RLF: variants seen among roughly 807,000 people sequenced by gnomAD.
RLF encodes zinc finger protein Rlf.
A neutral mutation model predicts 162.9 loss-of-function variants in RLF; 7 were observed. The observed-to-expected ratio is 0.04, with a 90% CI of 0.02 to 0.08. The LOEUF (loss-of-function observed/expected upper bound fraction) is 0.08, where lower values mean the gene tolerates loss of function less well. Among genes scored for constraint, RLF ranks in the 10% least tolerant of loss-of-function variants. The pLI, the probability that RLF is intolerant of heterozygous loss-of-function variation, is 1.00. For synonymous variants in RLF, 782 were observed against 791.5 expected (o/e 0.99, Z 0.20); for missense variants, 1,664 against 2,244.7 (o/e 0.74, Z 5.23).
chr1:40,228,154 G>A (rs925218466), intron 6 of RLF, among the ~76,000 whole-genome samples: 13 of 150,604 alleles, frequency 8.6e-5, no homozygotes, highest in South Asian at 2.1e-4. Flanking sequence ...GCATAGTTGC[G>A]TGCGCCTGTA....
chr1:40,237,508 T>C lies in RLF; in HGVS notation c.2806T>C (p.Ser936Pro). 1.9e-6 allele frequency: 3 copies of C among 1,614,024 alleles called. No homozygotes were observed. The highest frequency in any genetic ancestry group is 2.5e-6 in the Non-Finnish European group (3 of 1,179,960). The change falls in exon 8 of 8, where the codon TCC becomes CCC. Residue 936 changes from serine (S) to proline (P), a missense_variant. Transcript: ENST00000372771. This position sits in a 1 kb window ranked among gnomAD's most constrained non-coding sequence, Gnocchi z 4.4. ...ATCTAATGAGAAAGTCTTTGGGCCC[T>C]CCAGTTTAAAAGAAAAATGTTCCAG... ...LLSNEKVFGP[S>P]SLKEKCSSMA...
Position 40,167,456 on chromosome 1 carries a change from G to T in RLF, c.237+5820G>T, listed in dbSNP as rs891582475. 2.0e-5 allele frequency among the ~76,000 whole-genome samples: 3 copies of T among 152,164 alleles called. No homozygotes were observed. The East Asian group carries it at 5.8e-4, about 29-fold the overall frequency. ...GACCCGTGAAGCAGTGAAAACTTTG[G>T]GTGCTGTCATTTACTGTGGTACCAT... On this transcript the variant is annotated intron_variant, in intron 1 of 7. Coordinates refer to ENST00000372771, the MANE Select transcript of RLF (RefSeq NM_012421.4).
At position 40,187,573 on chromosome 1, in the gene RLF, G is replaced by A. The variant is rs573925182; in HGVS notation, c.238-1482G>A. 5.3e-5 allele frequency among the ~76,000 whole-genome samples: 8 copies of A among 152,128 alleles called. No homozygotes were observed. The East Asian group carries it at 9.6e-4, about 18-fold the overall frequency. On this transcript the variant is annotated intron_variant, in intron 1 of 7. Transcript: ENST00000372771. ...AGCAAGATACTTAATTGAGTAGGTC[G>A]GTATACTAAAAATAGCTCAACTGAC... is the stretch of plus-strand genomic sequence containing the variant.
chr1:40,218,862 A>G (rs1341726902), intron 5 of RLF, among the ~76,000 whole-genome samples: 2 of 152,208 alleles, frequency 1.3e-5, no homozygotes, highest in Non-Finnish European at 2.9e-5. Context: ...GGGAACTTAC[A>G]TTTTAGTGGT....
At chr1:40,180,057 A>G (rs908605760) in intron 1 of RLF, among the ~76,000 whole-genome samples, 1 of 152,130 alleles carries the variant, frequency 6.6e-6, no homozygotes, top group Non-Finnish European at 1.5e-5. Context: ...CGCGTGTACA[A>G]ATACCTCTTC....
chr1:40,208,881 G>A (rs944182910), intron 5 of RLF, among the ~76,000 whole-genome samples: 5 of 152,076 alleles, frequency 3.3e-5, no homozygotes, highest in African/African-American at 1.2e-4. Context: ...TATTACTGGC[G>A]CATAGTAGTA....
intron 1 of RLF, among the ~76,000 whole-genome samples, chr1:40,167,005 T>TA (rs1642176854): frequency 2.6e-5 from 4 of 152,012 alleles, no homozygotes; most frequent in East Asian, 1.9e-4. Flanking sequence ...AAGTATAATT[T>TA]TAAAAAAAAA....
chr1:40,237,789 C>T lies in RLF; in HGVS notation c.3087C>T (p.His1029=), dbSNP rs770088830. The T allele has an allele frequency of 1.9e-6, 3 of 1,614,082 alleles. No individual in the cohort carries two copies. In the South Asian group the frequency reaches 3.3e-5, roughly 18 times the overall value. Residue 1029 remains histidine (H), a synonymous_variant, in exon 8 of 8, where the codon CAC becomes CAT. Coordinates refer to ENST00000372771, the MANE Select transcript of RLF (RefSeq NM_012421.4). The surrounding 1 kb of genome is among the most constrained non-coding windows in gnomAD (Gnocchi z 4.4). ...ACTCCCCAGATGAAGGTCTAGATCA[C>T]AATATTCACATTAAATGTAAACGAG... is the stretch of plus-strand genomic sequence containing the variant. The part of the protein sequence containing the change: ...NSDSPDEGLD[H]NIHIKCKREH...
chr1:40,175,743 C>T (rs1391053661), intron 1 of RLF, among the ~76,000 whole-genome samples: 4 of 150,918 alleles, frequency 2.7e-5, no homozygotes, highest in Non-Finnish European at 5.9e-5. Context: ...CAGAATTGTG[C>T]CACTGCACTC....
At chr1:40,168,272 A>G (rs1642193473) in intron 1 of RLF, among the ~76,000 whole-genome samples, 1 of 152,146 alleles carries the variant, frequency 6.6e-6, no homozygotes, top group Non-Finnish European at 1.5e-5. Flanking sequence ...TTTTTGAGAC[A>G]GAGTCTTTCT....
intron 7 of RLF, among the ~76,000 whole-genome samples, chr1:40,233,133 A>G (rs576256096): frequency 6.6e-6 from 1 of 151,466 alleles, no homozygotes; most frequent in Middle Eastern, 3.2e-3. Context: ...TGACTTGGCT[A>G]TATCCTATGT....
At chr1:40,222,414 A>G (rs963780060) in intron 5 of RLF, among the ~76,000 whole-genome samples, 160 bp from the exon 6 acceptor site, 1 of 152,134 alleles carries the variant, frequency 6.6e-6, no homozygotes, top group African/African-American at 2.4e-5. Flanking sequence ...CCCTTCTTTA[A>G]TATTTTCTTA....
chr1:40,209,473 G>T lies in RLF; in HGVS notation c.810+6859G>T, dbSNP rs367820650. ...TCTTTAAGCCTGGGGTGCAGAACTA[G>T]GGAGGATCCGTCGAAGTCAAGATTG... On this transcript the variant is annotated intron_variant, in intron 5 of 7. Coordinates refer to ENST00000372771, the MANE Select transcript of RLF (RefSeq NM_012421.4). Among the ~76,000 whole-genome samples the T allele has an allele frequency of 8.5e-5, 13 of 152,320 alleles. 1 individual carries two copies. The highest frequency in any genetic ancestry group is 3.9e-4 in the East Asian group (2 of 5,186).
chr1:40,202,335 TC>T, intron 4 of RLF, 76 bp from the exon 5 acceptor site: 1 of 895,000 alleles, frequency 1.1e-6, no homozygotes, highest in Non-Finnish European at 1.7e-6. Context: ...AATAAAAAGA[TC>T]TCAAACTTTC....
At chr1:40,166,598 C>G (rs1304179311) in intron 1 of RLF, among the ~76,000 whole-genome samples, 1 of 151,936 alleles carries the variant, frequency 6.6e-6, no homozygotes, top group African/African-American at 2.4e-5. Flanking sequence ...AGACTTGGAA[C>G]CAACCCAGAT....
intron 1 of RLF, among the ~76,000 whole-genome samples, chr1:40,185,311 A>G (rs1305760593): frequency 1.3e-5 from 2 of 150,990 alleles, no homozygotes; most frequent in Non-Finnish European, 3.0e-5. Context: ...CTGTATTTTT[A>G]GTAGAGACAG....
intron 5 of RLF, among the ~76,000 whole-genome samples, chr1:40,209,482 C>A (rs61781771): frequency 0.052 from 7,933 of 152,158 alleles, 607 homozygotes; most frequent in African/African-American, 0.17. Flanking sequence ...AGGGAGGATC[C>A]GTCGAAGTCA....
intron 3 of RLF, among the ~76,000 whole-genome samples, chr1:40,192,868 G>C (rs1470963390): frequency 2.0e-5 from 3 of 152,080 alleles, no homozygotes; most frequent in Admixed American, 1.3e-4. Flanking sequence ...TTACAGCTGA[G>C]TAACTTTTTT....
Position 40,236,221 on chromosome 1 carries a change from T to G in RLF, c.1519T>G (p.Leu507Val), listed in dbSNP as rs1395359422. ...YEMSINDTDVLESFLSDYDEG... is the reference protein window; with the variant it reads ...YEMSINDTDVVESFLSDYDEG... ...AATGTCCATTAATGACACAGATGTT[T>G]TAGAGTCATTTCTCAGTGACTATGA... Residue 507 changes from leucine (L) to valine (V), a missense_variant, in exon 8 of 8, where the codon TTA becomes GTA. Leu to Val is a conservative substitution (Grantham distance 32). Transcript: ENST00000372771. This position sits in a 1 kb window ranked among gnomAD's most constrained non-coding sequence, Gnocchi z 7.7. 2 of 1,613,970 alleles carry G rather than the reference T, an allele frequency of 1.2e-6. No homozygotes were observed. The highest frequency in any genetic ancestry group is 2.2e-5 in the South Asian group (2 of 91,068).
Sources: allele counts gnomAD v4.1 joint callset (sites outside exome capture counted in the v4.1 genomes callset), GRCh38; gene constraint gnomAD v4.1.1; non-coding constraint Gnocchi (gnomAD v3.1); transcripts MANE v1.5; gene names NCBI Gene and HGNC (gene_info 2026-07-23, HGNC 2026-07-21).